SLC4A4: variants seen among roughly 807,000 people sequenced by gnomAD.
SLC4A4 encodes electrogenic sodium bicarbonate cotransporter 1.
Under a neutral mutation model 111.5 loss-of-function variants are expected in SLC4A4, and 27 were observed. The ratio of observed to expected loss-of-function variants is 0.24; its 90% CI spans 0.18 to 0.33. SLC4A4 has a LOEUF of 0.33. Among genes scored for constraint, SLC4A4 ranks in the 10% least tolerant of loss-of-function variants. The probability of loss-of-function intolerance (pLI) is 1.00; values close to 1 mark genes in which losing one functional copy is unlikely to be tolerated. For missense variants in SLC4A4, 909 were observed against 1,315.5 expected (o/e 0.69, Z 4.78); for synonymous variants, 443 against 463.4 (o/e 0.96, Z 0.57).
chr4:71,277,293 C>A (rs1039649334), intron 3 of SLC4A4, among the ~76,000 whole-genome samples: 3 of 152,166 alleles, frequency 2.0e-5, no homozygotes, highest in Non-Finnish European at 2.9e-5. Context: ...TCTCTACTCT[C>A]ACCAGCATTT....
chr4:71,341,512 A>C (rs1347587675), intron 4 of SLC4A4, among the ~76,000 whole-genome samples: 2 of 152,178 alleles, frequency 1.3e-5, no homozygotes, highest in African/African-American at 4.8e-5. Context: ...GCAATAAGCC[A>C]ATAGCCTTTC....
chr4:71,305,574 A>G (rs1308363413), intron 3 of SLC4A4, among the ~76,000 whole-genome samples: 2 of 152,258 alleles, frequency 1.3e-5, no homozygotes, highest in African/African-American at 4.8e-5. Context: ...TATATTAGAC[A>G]GAACTTTGGA....
intron 7 of SLC4A4, among the ~76,000 whole-genome samples, chr4:71,424,977 A>C (rs1362449768): frequency 6.6e-6 from 1 of 151,864 alleles, no homozygotes; most frequent in East Asian, 1.9e-4. Context: ...GTACCCTAAA[A>C]CTTAAAGTAT....
chr4:71,246,728 G>A (rs764884734), intron 2 of SLC4A4, among the ~76,000 whole-genome samples: 16 of 123,286 alleles, frequency 1.3e-4, no homozygotes, highest in Non-Finnish European at 2.5e-4. Flanking sequence ...AGGATTAATC[G>A]TTATTATTCT....
At chr4:71,485,999 A>G (rs1422720050) in intron 14 of SLC4A4, among the ~76,000 whole-genome samples, 1 of 151,534 alleles carries the variant, frequency 6.6e-6, no homozygotes, top group Non-Finnish European at 1.5e-5. Context: ...GACTTGAAGC[A>G]TGGCAAACTA....
chr4:71,113,700 C>T (rs560178397), intron 2 of SLC4A4, among the ~76,000 whole-genome samples: 11 of 152,098 alleles, frequency 7.2e-5, no homozygotes, highest in South Asian at 2.1e-4. Context: ...TGAGATTCAC[C>T]GGGTTAGGGG....
intron 18 of SLC4A4, among the ~76,000 whole-genome samples, chr4:71,536,457 C>CATATAT (rs1238920856): frequency 0.02 from 634 of 31,358 alleles, 43 homozygotes; most frequent in African/African-American, 0.049. Flanking sequence ...TACATATATA[C>CATATAT]ATATATACAT....
At chr4:71,387,387 TG>T (rs1440923554) in intron 6 of SLC4A4, among the ~76,000 whole-genome samples, 19 of 152,328 alleles carry the variant, frequency 1.2e-4, no homozygotes, top group South Asian at 1.0e-3. Context: ...AGTGTTTTTT[TG>T]TGAATCTGTC....
chr4:71,330,750 A>C (rs909108477), intron 3 of SLC4A4, among the ~76,000 whole-genome samples: 1 of 152,170 alleles, frequency 6.6e-6, no homozygotes, highest in African/African-American at 2.4e-5. Flanking sequence ...TAATTAAACT[A>C]AAGAGCTTCT....
intron 2 of SLC4A4, among the ~76,000 whole-genome samples, chr4:71,139,441 G>A (rs1263177863): frequency 6.6e-6 from 1 of 152,160 alleles, no homozygotes; most frequent in African/African-American, 2.4e-5. Flanking sequence ...GAACCCTGGT[G>A]AGGTTCTATC....
chr4:71,474,461 T>C (rs764396941), intron 14 of SLC4A4, among the ~76,000 whole-genome samples: 1 of 151,930 alleles, frequency 6.6e-6, no homozygotes, highest in African/African-American at 2.4e-5. Flanking sequence ...CTTTTTATGC[T>C]TGTGGCATGC....
At chr4:71,451,613 A>G (rs936059788) in intron 11 of SLC4A4, among the ~76,000 whole-genome samples, 2 of 152,172 alleles carry the variant, frequency 1.3e-5, no homozygotes, top group African/African-American at 4.8e-5. Flanking sequence ...AATTTTAGAT[A>G]AGAGTGGTCA....
intron 4 of SLC4A4, among the ~76,000 whole-genome samples, chr4:71,341,066 T>G (rs1156260327): frequency 6.6e-6 from 1 of 152,150 alleles, no homozygotes; most frequent in Non-Finnish European, 1.5e-5. Flanking sequence ...ATGTGCTGAT[T>G]CCAATGTATT....
chr4:71,192,775 A>G lies in SLC4A4; in HGVS notation c.-2+5374A>G, dbSNP rs76182915. On this transcript the variant is annotated intron_variant, in intron 1 of 25. Transcript: ENST00000264485. ...ATCTCAGCGATTTACCTAAGTGAAC[A>G]TGTCCATATAACCAGTGCCAAGACC... is the stretch of plus-strand genomic sequence containing the variant. Among the ~76,000 whole-genome samples, 1,048 of 152,304 alleles carry G rather than the reference A, an allele frequency of 6.9e-3. 7 individuals are homozygous for G. Among genetic ancestry groups the G allele is most frequent in the Middle Eastern group, 0.024 (7 of 294 alleles).
intron 16 of SLC4A4, among the ~76,000 whole-genome samples, chr4:71,512,613 C>A (rs1732032471): frequency 1.3e-5 from 2 of 151,366 alleles, no homozygotes; most frequent in Admixed American, 1.3e-4. Flanking sequence ...TAGATTATTT[C>A]TTTTGTTGTG....
At chr4:71,271,533 A>T (rs976075335) in intron 3 of SLC4A4, among the ~76,000 whole-genome samples, 2 of 152,244 alleles carry the variant, frequency 1.3e-5, no homozygotes, top group Non-Finnish European at 2.9e-5. Context: ...TAGGATTAAT[A>T]TTGTTCCTAC....
intron 3 of SLC4A4, among the ~76,000 whole-genome samples, chr4:71,327,844 T>A (rs1458925915): frequency 6.6e-6 from 1 of 152,024 alleles, no homozygotes; most frequent in Non-Finnish European, 1.5e-5. Context: ...ATTCCAATTA[T>A]ACTCTTTTAG....
intron 1 of SLC4A4, among the ~76,000 whole-genome samples, chr4:71,068,392 T>C (rs1010472530): frequency 4.0e-5 from 6 of 151,604 alleles, no homozygotes; most frequent in Admixed American, 1.3e-4. Context: ...CATTTTAAAG[T>C]ATATATACAT....
intron 14 of SLC4A4, chr4:71,473,334 T>G (rs764590784): frequency 1.3e-5 from 7 of 540,166 alleles, no homozygotes; most frequent in Non-Finnish European, 2.3e-5. Flanking sequence ...CTTTGCTGCT[T>G]CTTTATTGGT....
Sources: allele counts gnomAD v4.1 joint callset (sites outside exome capture counted in the v4.1 genomes callset), GRCh38; gene constraint gnomAD v4.1.1; transcripts MANE v1.5; gene names NCBI Gene and HGNC (gene_info 2026-07-23, HGNC 2026-07-21).